The following PRDM8 variants were observed in gnomAD, a reference collection of about 807,000 sequenced individuals.
PRDM8 encodes the protein PR/SET domain 8, also known as PR domain zinc finger protein 8.
Under a neutral mutation model 46.5 loss-of-function variants are expected in PRDM8, and 13 were observed. That is an observed-to-expected ratio of 0.28 (90% CI 0.18 to 0.44). The LOEUF is 0.44. PRDM8 is among the 20% of genes least tolerant of loss of function. The pLI is 1.00. For missense variants in PRDM8, 998 were observed against 955.0 expected (o/e 1.04, Z -0.59); for synonymous variants, 473 against 438.4 (o/e 1.08, Z -0.98).
chr4:80,203,558 G>T lies in PRDM8; in HGVS notation c.*26G>T. ...CTCGGAAAGGACCCCAGCTTTCCAC[G>T]CGCGCGCAAGCACAGTTAAGCCACC... On this transcript the variant is annotated 3_prime_UTR_variant, in exon 4 of 4. Transcript: ENST00000415738. 1 of 1,580,380 alleles carries T rather than the reference G, an allele frequency of 6.3e-7. No individual in the cohort carries two copies. The highest frequency in any genetic ancestry group is 8.6e-7 in the Non-Finnish European group (1 of 1,162,342).
rs1370674566 is a variant in PRDM8 at position 80,200,063 on chromosome 4, G to A, written c.-2-16G>A. On this transcript the variant is annotated splice_polypyrimidine_tract_variant and intron_variant, in intron 1 of 3. Transcript: ENST00000415738. The stretch of plus-strand genomic sequence containing the variant: ...GTAACATAACTCACTTTCTTGTGCT[G>A]TGTGTCTATCTCCAGTGATGGAGGA... The A allele has an allele frequency of 1.3e-6, 2 of 1,595,968 alleles. No individual in the cohort carries two copies. The highest frequency in any genetic ancestry group is 2.2e-5 in the East Asian group (1 of 44,790).
At chr4:80,196,169 T>C (rs1464761793), upstream of PRDM8, 3 of 923,734 alleles carry the variant, frequency 3.2e-6, no homozygotes, top group Non-Finnish European at 3.9e-6. Flanking sequence ...ATTTCAACAC[T>C]AGGAAAAACA....
upstream of PRDM8, among the ~76,000 whole-genome samples, chr4:80,195,641 G>C (rs766314843): frequency 1.3e-5 from 2 of 152,100 alleles, no homozygotes; most frequent in Non-Finnish European, 2.9e-5. Context: ...AGGCATGTGA[G>C]AGAGCCCTCA....
chr4:80,198,117 T>C (rs1041994890), intron 1 of PRDM8, among the ~76,000 whole-genome samples: 7 of 152,114 alleles, frequency 4.6e-5, no homozygotes, highest in South Asian at 2.1e-4. Flanking sequence ...CTGTGAAACG[T>C]TGCGTGGCAA....
rs1222858653 is a variant in PRDM8, at chr4:80,203,257, G to A, written c.1795G>A (p.Gly599Arg). 1.9e-6 allele frequency: 3 copies of A among 1,571,248 alleles called. No individual in the cohort carries two copies. Among genetic ancestry groups the A allele is most frequent in the Admixed American group, 3.7e-5 (2 of 53,398 alleles). The change falls in exon 4 of 4, where the codon GGG becomes AGG. Residue 599 changes from glycine (G) to arginine (R), a missense_variant. Physicochemically the swap from Gly to Arg is moderately radical, Grantham distance 125. Transcript: ENST00000415738. ...AGCCGCGGCTGCGGCGGCGGCCGCG[G>A]GGCCCTTGCAGCTGCAGCTGCCCTC... ...AAAAAAAAAA[G>R]PLQLQLPSAL... is the part of the protein sequence containing the mutation.
At position 80,203,566 on chromosome 4, in the gene PRDM8, A is replaced by C; in HGVS notation, c.*34A>C. The C allele has an allele frequency of 6.4e-7, 1 of 1,562,606 alleles. No homozygotes were observed. Among genetic ancestry groups the C allele is most frequent in the African/African-American group, 1.4e-5 (1 of 73,912 alleles). On this transcript the variant is annotated 3_prime_UTR_variant, in exon 4 of 4. Coordinates refer to ENST00000415738, the MANE Select transcript of PRDM8 (RefSeq NM_001099403.2). The stretch of plus-strand genomic sequence containing the variant: ...GGACCCCAGCTTTCCACGCGCGCGC[A>C]AGCACAGTTAAGCCACCTGCAGGAA...
rs553037634 is a variant in PRDM8 at position 80,203,738 on chromosome 4, A to ACC, written c.*214_*215dup. On this transcript the variant is annotated 3_prime_UTR_variant, in exon 4 of 4. Transcript: ENST00000415738. ...ATTCAAATATTTACCCGGGACACAC[A>ACC]CCCCCCCCCACACACACACACAGAC... is the stretch of plus-strand genomic sequence containing the variant. The ACC allele has an allele frequency of 4.6e-4, 171 of 372,046 alleles. No homozygotes were observed. Among genetic ancestry groups the ACC allele is most frequent in the African/African-American group, 4.0e-3 (154 of 38,192 alleles). The allele number at this position is 372,046 out of a possible 1,614,324, so 23.0% of individuals were successfully genotyped here.
rs936036958 is a variant in PRDM8, at chr4:80,202,907, C to T, written c.1445C>T (p.Ala482Val). ...GGTGGGGGCGGAACGGGCGCCGGGG[C>T]CGCAGGCGGCGCGGGCGGGGGCCAG... is the stretch of plus-strand genomic sequence containing the variant. Reference protein sequence around the residue: ...TSGGGGTGAGAAGGAGGGQGA... With the variant: ...TSGGGGTGAGVAGGAGGGQGA... The change falls in exon 4 of 4, where the codon GCC becomes GTC. Residue 482 changes from alanine to valine, a missense_variant. Coordinates refer to ENST00000415738, the MANE Select transcript of PRDM8 (RefSeq NM_001099403.2). The T allele has an allele frequency of 7.5e-7, 1 of 1,338,702 alleles. No homozygotes were observed. Among genetic ancestry groups the T allele is most frequent in the African/African-American group, 1.5e-5 (1 of 65,000 alleles). 82.9% of individuals were successfully genotyped at this position (1,338,702 alleles called of 1,614,324 possible).
At chr4:80,198,757 T>C (rs1184547639) in intron 1 of PRDM8, among the ~76,000 whole-genome samples, 2 of 152,084 alleles carry the variant, frequency 1.3e-5, no homozygotes, top group African/African-American at 2.4e-5. Context: ...AAAATAAAAA[T>C]AGATGTCACT....
intron 1 of PRDM8, among the ~76,000 whole-genome samples, chr4:80,198,970 GT>G (rs796154594): frequency 0.012 from 1,394 of 114,708 alleles, 22 homozygotes; most frequent in African/African-American, 0.036. Flanking sequence ...AAATACCTGG[GT>G]TTTTTTGGGT....
At chr4:80,197,899 A>G (rs1738086641) in intron 1 of PRDM8, 136 bp downstream of exon 1, 2 of 812,586 alleles carry the variant, frequency 2.5e-6, no homozygotes, top group African/African-American at 1.9e-5. Context: ...GTCTACTGCC[A>G]GTAATATTGT....
chr4:80,203,131 G>C lies in PRDM8; in HGVS notation c.1669G>C (p.Gly557Arg), dbSNP rs1224092285. ...VKLQGAADLN[G>R]GCGSLPSGGG... The stretch of plus-strand genomic sequence containing the variant: ...GCTCCAGGGGGCCGCGGACCTGAAC[G>C]GAGGTTGCGGGTCCCTGCCGAGCGG... The change falls in exon 4 of 4, where the codon GGA becomes CGA. Residue 557 changes from glycine to arginine, a missense_variant. By Grantham distance (125) the Gly-to-Arg change is moderately radical. Transcript: ENST00000415738. The C allele has an allele frequency of 1.3e-6, 2 of 1,561,408 alleles. No homozygotes were observed. Among genetic ancestry groups the C allele is most frequent in the African/African-American group, 2.7e-5 (2 of 72,966 alleles).
At chr4:80,193,406 G>A (rs909482409), upstream of PRDM8, among the ~76,000 whole-genome samples, 1 of 151,934 alleles carries the variant, frequency 6.6e-6, no homozygotes, top group Non-Finnish European at 1.5e-5. Flanking sequence ...TCACCAAAAT[G>A]TAAAACAAAC....
In PRDM8 at chr4:80,202,508, T is replaced by C. The variant is rs1434598155; in HGVS notation, c.1046T>C (p.Val349Ala). 16 of 1,525,446 alleles carry C rather than the reference T, an allele frequency of 1.0e-5. No individual in the cohort carries two copies. Among genetic ancestry groups the C allele is most frequent in the Non-Finnish European group, 1.1e-5 (12 of 1,139,552 alleles). 94.5% of individuals were successfully genotyped at this position (1,525,446 alleles called of 1,614,324 possible). Residue 349 changes from valine (V) to alanine (A), a missense_variant, in exon 4 of 4, where the codon GTG becomes GCG. Coordinates refer to ENST00000415738, the MANE Select transcript of PRDM8 (RefSeq NM_001099403.2). ...RPLPASKEDL[V>A]CTPQQYRASG... ...CTCCCGGCCTCCAAGGAGGATCTGG[T>C]GTGCACACCGCAGCAGTACCGAGCC...
At chr4:80,196,009 T>G (rs898587269), upstream of PRDM8, 42 of 966,532 alleles carry the variant, frequency 4.3e-5, no homozygotes, top group African/African-American at 6.6e-4. Flanking sequence ...TTGTTTCTCC[T>G]CAGCAAAATC....
At chr4:80,196,724 C>A (rs1414979529), upstream of PRDM8, 9 of 898,744 alleles carry the variant, frequency 1.0e-5, no homozygotes, top group East Asian at 1.2e-4. Flanking sequence ...GGGGGAAAAA[C>A]CCCACGAAAA....
chr4:80,200,084 G>A lies in PRDM8; in HGVS notation c.4G>A (p.Glu2Lys). The A allele has an allele frequency of 6.2e-7, 1 of 1,611,832 alleles. No homozygotes were observed. Among genetic ancestry groups the A allele is most frequent in the Non-Finnish European group, 8.5e-7 (1 of 1,178,168 alleles). The change falls in exon 2 of 4, where the codon GAG becomes AAG. Residue 2 changes from glutamate (E) to lysine (K), a missense_variant. Glu to Lys is a moderately conservative substitution (Grantham distance 56). Transcript: ENST00000415738. ...TGCTGTGTGTCTATCTCCAGTGATG[G>A]AGGATACTGGCATCCAGCGAGGCAT... is the stretch of plus-strand genomic sequence containing the variant. M[E>K]DTGIQRGIWD...
chr4:80,203,289 C>G lies in PRDM8; in HGVS notation c.1827C>G (p.Leu609=). The part of the protein sequence containing the change: ...GPLQLQLPSA[L]TLLPPSFTSL... ...TGCAGCTGCAGCTGCCCTCGGCGCT[C>G]ACGCTGCTGCCGCCCTCCTTCACCT... Residue 609 remains leucine, a synonymous_variant, in exon 4 of 4, where the codon CTC becomes CTG. Coordinates refer to ENST00000415738, the MANE Select transcript of PRDM8 (RefSeq NM_001099403.2). The G allele has an allele frequency of 6.2e-7, 1 of 1,605,794 alleles. No homozygotes were observed. The highest frequency in any genetic ancestry group is 8.5e-7 in the Non-Finnish European group (1 of 1,177,132).
At position 80,201,446 on chromosome 4, in the gene PRDM8, T is replaced by C. The variant is rs1367960245; in HGVS notation, c.376T>C (p.Leu126=). ...SLRRIAKDEE[L]LVWYGKELTE... Reference sequence around the variant, plus strand: ...CCGCAGGATTGCCAAAGACGAGGAGTTACTAGTTTGGTACGGGAAAGAACT... The same window carrying C: ...CCGCAGGATTGCCAAAGACGAGGAGCTACTAGTTTGGTACGGGAAAGAACT... Residue 126 remains leucine, a synonymous_variant, in exon 3 of 4, where the codon TTA becomes CTA. Transcript: ENST00000415738. The C allele has an allele frequency of 6.2e-7, 1 of 1,613,840 alleles. No homozygotes were observed. The highest frequency in any genetic ancestry group is 8.5e-7 in the Non-Finnish European group (1 of 1,179,964).
Sources: allele counts gnomAD v4.1 joint callset (sites outside exome capture counted in the v4.1 genomes callset), GRCh38; gene constraint gnomAD v4.1.1; transcripts MANE v1.5; gene names NCBI Gene and HGNC (gene_info 2026-07-23, HGNC 2026-07-21).